Variants in LSAMP observed in about 807,000 individuals in gnomAD.
LSAMP encodes the protein limbic system associated membrane protein.
LSAMP carries 7 observed loss-of-function variants against 38.6 expected under a neutral mutation model. The observed-to-expected ratio is 0.18, with a 90% confidence interval of 0.10 to 0.34. LSAMP has a LOEUF of 0.34. LSAMP is among the 10% of genes least tolerant of loss of function. The pLI is 1.00. For missense variants in LSAMP, 313 were observed against 420.0 expected, an observed-to-expected ratio of 0.75 and a Z score of 2.23; for synonymous variants, 154 against 166.8, an observed-to-expected ratio of 0.92 and a Z score of 0.59.
intron 1 of LSAMP, among the ~76,000 whole-genome samples, chr3:116,266,221 T>A (rs1042568249): frequency 1.2e-4 from 18 of 152,170 alleles, no homozygotes; most frequent in Non-Finnish European, 2.1e-4. Flanking sequence ...ACCACGTAAC[T>A]AATTAAAAGC....
intron 3 of LSAMP, among the ~76,000 whole-genome samples, chr3:115,957,148 C>T (rs372429319): frequency 7.1e-4 from 108 of 152,240 alleles, no homozygotes; most frequent in African/African-American, 2.5e-3. Context: ...TAAAGATATC[C>T]ATGATAGGCA....
At chr3:116,339,265 G>C (rs1449899926) in intron 1 of LSAMP, among the ~76,000 whole-genome samples, 4 of 150,572 alleles carry the variant, frequency 2.7e-5, no homozygotes, top group Admixed American at 2.7e-4. Context: ...ACATATTCCT[G>C]TACTCCCCTT....
chr3:115,916,446 T>A (rs1261427228), intron 3 of LSAMP, among the ~76,000 whole-genome samples: 2 of 152,220 alleles, frequency 1.3e-5, no homozygotes, highest in East Asian at 3.8e-4. Flanking sequence ...AGATCTTAAC[T>A]GTTCTGTATA....
chr3:116,086,208 C>T, intron 2 of LSAMP, 116 bp downstream of exon 2: 1 of 862,930 alleles, frequency 1.2e-6, no homozygotes, highest in Non-Finnish European at 1.8e-6. Context: ...TACTTAAGTC[C>T]AATAATATCT....
At chr3:116,266,764 GA>G (rs1286064042) in intron 1 of LSAMP, among the ~76,000 whole-genome samples, 1 of 151,870 alleles carries the variant, frequency 6.6e-6, no homozygotes, top group Non-Finnish European at 1.5e-5. Context: ...AGGAAGAGAG[GA>G]AAAATGAAAA....
At chr3:116,226,035 T>C (rs1198220669) in intron 1 of LSAMP, among the ~76,000 whole-genome samples, 1 of 152,208 alleles carries the variant, frequency 6.6e-6, no homozygotes, top group Non-Finnish European at 1.5e-5. Context: ...TGGTACCTCC[T>C]CAAATCTTCC....
chr3:116,201,089 G>A (rs900501459), intron 1 of LSAMP, among the ~76,000 whole-genome samples: 5 of 152,292 alleles, frequency 3.3e-5, no homozygotes, highest in South Asian at 2.1e-4. Flanking sequence ...AGAATTCATC[G>A]GATGGGTGGG....
At chr3:116,102,934 C>T (rs923732736) in intron 1 of LSAMP, among the ~76,000 whole-genome samples, 2 of 152,096 alleles carry the variant, frequency 1.3e-5, no homozygotes, top group Non-Finnish European at 2.9e-5. Flanking sequence ...ATACCTTGCT[C>T]TTTATCACAC....
chr3:116,294,659 T>C (rs958680839), intron 1 of LSAMP, among the ~76,000 whole-genome samples: 1 of 152,190 alleles, frequency 6.6e-6, no homozygotes, highest in African/African-American at 2.4e-5. Context: ...CAAGCTTAGA[T>C]CGCCATTTAA....
intron 1 of LSAMP, among the ~76,000 whole-genome samples, chr3:116,216,026 TTTA>T (rs1169407470): frequency 2.4e-4 from 36 of 152,228 alleles, no homozygotes; most frequent in Admixed American, 2.4e-3. Context: ...ACATTAGCTT[TTTA>T]TATAGCTCTA....
At chr3:116,025,556 T>A (rs1940770264) in intron 2 of LSAMP, among the ~76,000 whole-genome samples, 1 of 152,148 alleles carries the variant, frequency 6.6e-6, no homozygotes, top group African/African-American at 2.4e-5. Flanking sequence ...CAATTTCTTC[T>A]TTTTATTTTA....
chr3:116,108,257 G>A (rs9861421), intron 1 of LSAMP, among the ~76,000 whole-genome samples: 4,399 of 152,204 alleles, frequency 0.029, 93 homozygotes, highest in Non-Finnish European at 0.046. Flanking sequence ...GAATAGTCAG[G>A]GAAGCAGATA....
chr3:116,338,476 T>G (rs953620972), intron 1 of LSAMP, among the ~76,000 whole-genome samples: 3 of 151,974 alleles, frequency 2.0e-5, no homozygotes, highest in Non-Finnish European at 4.4e-5. Flanking sequence ...ACGATCTTGA[T>G]GTGGAGATGA....
intron 3 of LSAMP, among the ~76,000 whole-genome samples, chr3:115,976,642 A>C (rs1451295086): frequency 1.3e-5 from 2 of 152,148 alleles, no homozygotes; most frequent in African/African-American, 4.8e-5. Flanking sequence ...TCTCATGTTG[A>C]ATTGTAATCC....
chr3:115,967,103 T>C lies in LSAMP; in HGVS notation c.514+52412A>G, dbSNP rs185363690. Among the ~76,000 whole-genome samples the C allele has an allele frequency of 2.3e-3, 350 of 152,328 alleles. 1 individual carries two copies. Among genetic ancestry groups the C allele is most frequent in the African/African-American group, 8.0e-3 (333 of 41,580 alleles). On this transcript the variant is annotated intron_variant, in intron 3 of 6. Coordinates refer to ENST00000490035, the MANE Select transcript of LSAMP (RefSeq NM_002338.5). ...TTTCTTTTCTATCGCATTGTCAGGC[T>C]GCAAATTTTCCAAACTTTCATGGTC...
chr3:116,208,858 T>C (rs189092239), intron 1 of LSAMP, among the ~76,000 whole-genome samples: 1 of 152,234 alleles, frequency 6.6e-6, no homozygotes, highest in Non-Finnish European at 1.5e-5. Context: ...TTTTTGTTTG[T>C]CTGTGCCCTG....
At chr3:116,286,891 TAA>T (rs79705073) in intron 1 of LSAMP, among the ~76,000 whole-genome samples, 62 of 133,660 alleles carry the variant, frequency 4.6e-4, no homozygotes, top group Admixed American at 6.1e-4. Flanking sequence ...TCTCTCAAGT[TAA>T]AAAAAAAAAA....
chr3:116,125,998 C>T (rs997865205), intron 1 of LSAMP, among the ~76,000 whole-genome samples: 6 of 152,164 alleles, frequency 3.9e-5, no homozygotes, highest in Non-Finnish European at 8.8e-5. Flanking sequence ...TAAGCTTCAG[C>T]ATTTTATATC....
intron 6 of LSAMP, among the ~76,000 whole-genome samples, chr3:115,835,989 C>A (rs1333036450): frequency 1.3e-5 from 2 of 152,108 alleles, no homozygotes; most frequent in East Asian, 3.9e-4. Context: ...GACCACTGTT[C>A]CATATTATAC....
Sources: gnomAD v4.1 joint callset for allele counts (sites outside exome capture counted in the v4.1 genomes callset) on GRCh38, gnomAD v4.1.1 for gene constraint, MANE v1.5 for transcripts, NCBI Gene and HGNC (gene_info 2026-07-23, HGNC 2026-07-21) for gene names.